LRCH2: variants seen among roughly 807,000 people sequenced by gnomAD.
LRCH2 encodes leucine rich repeats and calponin homology domain containing 2.
A neutral mutation model predicts 68.9 loss-of-function variants in LRCH2; 38 were observed. That is an observed-to-expected ratio of 0.55 (90% confidence interval 0.43 to 0.72). LRCH2 has a LOEUF of 0.72. Ranked by LOEUF, LRCH2 falls within the 30% of genes least tolerant of loss-of-function variation. The pLI, the probability that LRCH2 is intolerant of heterozygous loss-of-function variation, is 0.00. For synonymous variants in LRCH2, 191 were observed against 208.1 expected (o/e 0.92, Z 0.71); for missense variants, 528 against 572.9 (o/e 0.92, Z 0.80).
chrX:115,190,002 G>A (rs2072773670), intron 1 of LRCH2: 1 of 1,161,689 alleles, frequency 8.6e-7, no homozygotes, highest in African/African-American at 1.8e-5. Flanking sequence ...CTGTGTCGGG[G>A]CAAGATGGCT....
At chrX:115,233,079 TTGA>T (rs2073163264) in intron 1 of LRCH2, among the ~76,000 whole-genome samples, 1 of 111,998 alleles carries the variant, frequency 8.9e-6, no homozygotes, top group African/African-American at 3.3e-5. Context: ...ATGTAAGTGA[TTGA>T]TGATTTAATT....
intron 20 of LRCH2, among the ~76,000 whole-genome samples, chrX:115,119,651 C>A (rs1187471279): frequency 1.4e-4 from 10 of 73,797 alleles, no homozygotes; most frequent in Non-Finnish European, 1.8e-4. Flanking sequence ...ACTTTCTTCA[C>A]AGAATTGGAA....
intron 14 of LRCH2, among the ~76,000 whole-genome samples, chrX:115,139,674 C>G (rs1317781668): frequency 1.3e-4 from 14 of 110,707 alleles, no homozygotes; most frequent in Non-Finnish European, 2.6e-4. Context: ...GGAGAGAAAG[C>G]CTGTATACTT....
intron 11 of LRCH2, among the ~76,000 whole-genome samples, chrX:115,158,640 T>C (rs977359678): frequency 2.7e-5 from 3 of 111,854 alleles, no homozygotes; most frequent in Admixed American, 1.9e-4. Context: ...TAGAAGCACA[T>C]CTTTCCACAA....
intron 1 of LRCH2, among the ~76,000 whole-genome samples, chrX:115,212,880 G>C (rs1326104782): frequency 1.8e-5 from 2 of 110,103 alleles, no homozygotes; most frequent in Non-Finnish European, 3.8e-5. Context: ...GCTGAGGCAG[G>C]AGGATCACCT....
chrX:115,152,341 T>C (rs1487398935), intron 12 of LRCH2, among the ~76,000 whole-genome samples: 1 of 112,206 alleles, frequency 8.9e-6, no homozygotes, highest in African/African-American at 3.2e-5. Context: ...TAATACAATA[T>C]CCACACTCAA....
Position 115,130,161 on chromosome X carries a change from A to G in LRCH2, c.1734T>C (p.Asn578=). ...SMRKSSSGNE[N]DEQDSDNANM... ...TAATATTATCTTTTCTCACCTCATC[A>G]TTTTCATTGCCACTTGAACTCTTCC... is the stretch of plus-strand genomic sequence containing the variant. Residue 578 remains asparagine (N), a synonymous_variant, in exon 15 of 21, where the codon AAT becomes AAC. Transcript: ENST00000317135. The G allele has an allele frequency of 9.7e-7, 1 of 1,031,438 alleles. No individual in the cohort carries two copies. The highest frequency in any genetic ancestry group is 1.3e-6 in the Non-Finnish European group (1 of 756,709). The allele number at this position is 1,031,438 out of a possible 1,213,427, so 85.0% of individuals were successfully genotyped here. A position where few individuals can be genotyped will look rare whatever the true frequency, so the allele number is the denominator to read the frequency against.
intron 2 of LRCH2, among the ~76,000 whole-genome samples, chrX:115,186,740 A>C (rs1556554576): frequency 9.0e-6 from 1 of 110,742 alleles, no homozygotes; most frequent in Non-Finnish European, 1.9e-5. Context: ...AGCCAGGCCA[A>C]GGAGATTTAT....
intron 1 of LRCH2, among the ~76,000 whole-genome samples, chrX:115,195,685 G>C (rs1489948372): frequency 9.0e-6 from 1 of 111,673 alleles, no homozygotes; most frequent in African/African-American, 3.3e-5. Flanking sequence ...AAGAAAAGCA[G>C]ACAGCCTGTC....
chrX:115,127,193 T>A (rs1489044926), intron 15 of LRCH2, among the ~76,000 whole-genome samples: 1 of 111,363 alleles, frequency 9.0e-6, no homozygotes, highest in Non-Finnish European at 1.9e-5. Context: ...ACTATCTACA[T>A]ATAATAGCAG....
In LRCH2 at chrX:115,216,984, G is replaced by A. The variant is rs140581813; in HGVS notation, c.349+16709C>T. Among the ~76,000 whole-genome samples, 551 of 111,756 alleles carry A rather than the reference G, an allele frequency of 4.9e-3. 2 individuals carry two copies. Among genetic ancestry groups the A allele is most frequent in the Non-Finnish European group, 7.2e-3 (383 of 53,181 alleles). Reference sequence around the variant, plus strand: ...TGAAAAAGCGAAGCACTATCACAACGAATATAGGCAGATGTACAGAACTGA... The same window carrying A: ...TGAAAAAGCGAAGCACTATCACAACAAATATAGGCAGATGTACAGAACTGA... On this transcript the variant is annotated intron_variant, in intron 1 of 20. Coordinates refer to ENST00000317135, the MANE Select transcript of LRCH2 (RefSeq NM_020871.4).
intron 5 of LRCH2, among the ~76,000 whole-genome samples, 160 bp downstream of exon 5, chrX:115,179,267 C>G (rs1316263423): frequency 8.9e-6 from 1 of 112,247 alleles, no homozygotes; most frequent in Non-Finnish European, 1.9e-5. Context: ...AGCTAAAACT[C>G]CTACCAAAGT....
chrX:115,121,939 A>G (rs952617114), intron 20 of LRCH2, among the ~76,000 whole-genome samples: 9 of 111,423 alleles, frequency 8.1e-5, no homozygotes, highest in African/African-American at 2.9e-4. Flanking sequence ...CACTTTACAA[A>G]GAAGCAATAT....
intron 11 of LRCH2, among the ~76,000 whole-genome samples, chrX:115,159,547 T>G (rs183090238): frequency 1.8e-5 from 2 of 109,153 alleles, no homozygotes; most frequent in Admixed American, 2.0e-4. Flanking sequence ...GTCAGGAGAT[T>G]GAGACCATCC....
At chrX:115,189,301 C>G in intron 1 of LRCH2, 16 of 583,261 alleles carry the variant, frequency 2.7e-5, no homozygotes, top group Non-Finnish European at 4.3e-5. Context: ...AGAACTATGA[C>G]GTAAGGTACT....
At chrX:115,166,479 A>G (rs1462203503) in intron 6 of LRCH2, 137 bp from the exon 7 acceptor site, 3 of 435,374 alleles carry the variant, frequency 6.9e-6, no homozygotes, top group South Asian at 7.9e-5. Flanking sequence ...ACATGAGGAG[A>G]AAAATATCAG....
Position 115,168,661 on chromosome X carries a change from C to T in LRCH2, c.998+1638G>A, listed in dbSNP as rs782409159. ...TCTCCAAAATATATCTTAATTCTGC[C>T]CATTTCTTTTCATCTGTATTGCAAT... On this transcript the variant is annotated intron_variant, in intron 6 of 20. Transcript: ENST00000317135. 3.6e-5 allele frequency among the ~76,000 whole-genome samples: 4 copies of T among 110,575 alleles called. No individual in the cohort carries two copies. In the South Asian group the frequency reaches 1.5e-3, roughly 42 times the overall value.
chrX:115,165,361 G>T (rs2072550000), intron 10 of LRCH2, 44 bp downstream of exon 10: 1 of 947,372 alleles, frequency 1.1e-6, no homozygotes, highest in Non-Finnish European at 1.4e-6. Context: ...CTAATGAATG[G>T]CTCAAGGGCT....
intron 1 of LRCH2, chrX:115,190,426 T>C: frequency 8.6e-7 from 1 of 1,165,370 alleles, no homozygotes; most frequent in Non-Finnish European, 1.1e-6. Flanking sequence ...AGGATGCCGC[T>C]ACGAGGAGTA....
Sources: gnomAD v4.1 joint callset for allele counts (sites outside exome capture counted in the v4.1 genomes callset) on GRCh38, gnomAD v4.1.1 for gene constraint, MANE v1.5 for transcripts, NCBI Gene and HGNC (gene_info 2026-07-23, HGNC 2026-07-21) for gene names.